UNC79: variants seen among roughly 807,000 people sequenced by gnomAD.
UNC79 encodes unc-79 subunit of NALCN channel complex.
UNC79 carries 37 observed loss-of-function variants against 283.1 expected under a neutral mutation model. The ratio of observed to expected loss-of-function variants is 0.13; its 90% confidence interval spans 0.10 to 0.17. UNC79 has a LOEUF of 0.17. Among genes scored for constraint, UNC79 ranks in the 10% least tolerant of loss-of-function variants. The pLI is 1.00. For synonymous variants in UNC79, 1,107 were observed against 1,200.2 expected, an observed-to-expected ratio of 0.92 and a Z score of 1.61; for missense variants, 2,272 against 3,211.1, an observed-to-expected ratio of 0.71 and a Z score of 7.07.
At chr14:93,654,476 GGCTACATTACACTCCAAT>G in intron 37 of UNC79, among the ~76,000 whole-genome samples, 2 of 140,404 alleles carry the variant, frequency 1.4e-5, no homozygotes, top group African/African-American at 6.4e-5. Flanking sequence ...AAGTTGTAAT[GGCTACATTACACTCCAAT>G]GGCTACATTA....
At chr14:93,376,929 G>A (rs2054571789) in intron 1 of UNC79, among the ~76,000 whole-genome samples, 1 of 148,872 alleles carries the variant, frequency 6.7e-6, no homozygotes, top group Non-Finnish European at 1.5e-5. Flanking sequence ...TTTCTCTCAT[G>A]CACTCACCTA....
At chr14:93,550,533 A>AGAAAAG (rs3060650) in intron 14 of UNC79, among the ~76,000 whole-genome samples, 72,976 of 122,486 alleles carry the variant, frequency 0.6, 24,503 homozygotes, top group Non-Finnish European at 0.64. Context: ...AAAAAAAAAA[A>AGAAAAG]AAAAAAAAGA....
intron 31 of UNC79, chr14:93,634,614 A>G (rs1464334785): frequency 6.2e-7 from 1 of 1,613,910 alleles, no homozygotes; most frequent in Non-Finnish European, 8.5e-7. Flanking sequence ...AGCGCCCCCC[A>G]TAACATCAGC....
chr14:93,634,776 G>A, intron 31 of UNC79, 139 bp downstream of exon 34: 2 of 749,138 alleles, frequency 2.7e-6, no homozygotes, highest in Non-Finnish European at 2.2e-6. Flanking sequence ...ACCACCTAAG[G>A]TAATTAGTAA....
chr14:93,333,247 G>GTCGGGTCGCTGGGAGTCGGGCA (rs2053494169), exon 1 of UNC79: 1 of 402,188 alleles, frequency 2.5e-6, no homozygotes, highest in Non-Finnish European at 4.4e-6. Flanking sequence ...GGAGCCGGGC[G>GTCGGGTCGCTGGGAGTCGGGCA]TCGGGTCGCT....
intron 39 of UNC79, among the ~76,000 whole-genome samples, chr14:93,660,520 CATAT>C (rs57703735): frequency 0.069 from 3,342 of 48,358 alleles, 98 homozygotes; most frequent in Middle Eastern, 0.12. Context: ...AAGACAATAG[CATAT>C]ATATATATAT....
intron 1 of UNC79, among the ~76,000 whole-genome samples, chr14:93,338,224 C>A (rs2053622448): frequency 6.6e-6 from 1 of 152,054 alleles, no homozygotes; most frequent in Non-Finnish European, 1.5e-5. Flanking sequence ...GATCCTGTGA[C>A]ATTTTGGGAT....
At chr14:93,456,530 C>T (rs1280031282) in intron 1 of UNC79, among the ~76,000 whole-genome samples, 1 of 152,114 alleles carries the variant, frequency 6.6e-6, no homozygotes, top group East Asian at 1.9e-4. Context: ...GAATCTGACT[C>T]ATTCTGAATA....
chr14:93,640,069 A>G (rs900482098), intron 32 of UNC79, among the ~76,000 whole-genome samples: 1 of 152,134 alleles, frequency 6.6e-6, no homozygotes, highest in Non-Finnish European at 1.5e-5. Context: ...ATTCTGGATG[A>G]TCCCTTTGAG....
exon 43 of UNC79, chr14:93,686,645 C>A: frequency 1.2e-6 from 2 of 1,614,090 alleles, no homozygotes; most frequent in Non-Finnish European, 1.7e-6. Context: ...GACATGCACA[C>A]GCTGACCAAA....
At position 93,621,508 on chromosome 14, in the gene UNC79, T is replaced by C. The variant is rs1047988720; in HGVS notation, c.4388-113T>C. 3.2e-5 allele frequency: 41 copies of C among 1,290,318 alleles called. No homozygotes were observed. The highest frequency in any genetic ancestry group is 4.1e-5 in the Non-Finnish European group (40 of 985,226). 79.9% of individuals were successfully genotyped at this position (1,290,318 alleles called of 1,614,324 possible). ...TGGCCAGAAAGTTCGTTTTCCCTCC[T>C]GGTGGAGCTGGGATTGTGATGATGA... is the stretch of plus-strand genomic sequence containing the variant. On this transcript the variant is annotated intron_variant, in intron 29 of 48. Coordinates refer to ENST00000555664, the Ensembl canonical transcript of UNC79. The surrounding 1 kb of genome is among the most constrained non-coding windows in gnomAD (Gnocchi z 4.8).
chr14:93,605,805 A>G (rs1172443115), intron 26 of UNC79, among the ~76,000 whole-genome samples: 3 of 152,156 alleles, frequency 2.0e-5, no homozygotes, highest in Non-Finnish European at 4.4e-5. Flanking sequence ...GGGAGTCCGA[A>G]GTGGGAGGGG....
chr14:93,460,987 A>T (rs1272950738), intron 1 of UNC79, among the ~76,000 whole-genome samples: 1 of 152,254 alleles, frequency 6.6e-6, no homozygotes, highest in East Asian at 1.9e-4. Flanking sequence ...TCTTACATAA[A>T]GGAAATTATA....
Position 93,688,636 on chromosome 14 carries a change from G to C in UNC79, c.6910-29G>C. 6.2e-7 allele frequency: 1 copy of C among 1,603,044 alleles called. No individual in the cohort carries two copies. The stretch of plus-strand genomic sequence containing the variant: ...CTGGAATGAATCCAGGTGTCTGCCA[G>C]AGTTACAAAATACCATTCGGTTTTG... On this transcript the variant is annotated intron_variant, in intron 43 of 48. Transcript: ENST00000555664. This position sits in a 1 kb window ranked among gnomAD's most constrained non-coding sequence, Gnocchi z 4.0.
intron 40 of UNC79, among the ~76,000 whole-genome samples, chr14:93,663,181 T>C (rs944987761): frequency 1.3e-5 from 2 of 152,224 alleles, no homozygotes. Context: ...GTCTGGGTTC[T>C]TGGCCTCTGA....
At chr14:93,659,832 C>T (rs921533129) in intron 39 of UNC79, among the ~76,000 whole-genome samples, 3 of 152,242 alleles carry the variant, frequency 2.0e-5, no homozygotes, top group African/African-American at 7.2e-5. Context: ...CTTGCCTTTG[C>T]TTAGGCCATT....
At chr14:93,646,492 C>T in intron 34 of UNC79, 116 bp from the exon 38 acceptor site, 1 of 991,674 alleles carries the variant, frequency 1.0e-6, no homozygotes, top group Non-Finnish European at 1.5e-6. Context: ...GAATTGTCAA[C>T]ATTATACATG....
In UNC79 at chr14:93,688,320, A is replaced by T. The variant is rs2074408342; in HGVS notation, c.6910-345A>T. ...GAGGTCAGGGAAGGCTTCCCAGAGG[A>T]AGTTACATTTGAGCTAAAACCTGAA... On this transcript the variant is annotated intron_variant, in intron 43 of 48. Coordinates refer to ENST00000555664, the Ensembl canonical transcript of UNC79. The surrounding 1 kb of genome is among the most constrained non-coding windows in gnomAD (Gnocchi z 4.0). Among the ~76,000 whole-genome samples the T allele has an allele frequency of 6.6e-6, 1 of 152,084 alleles. No individual in the cohort carries two copies. Among genetic ancestry groups the T allele is most frequent in the Non-Finnish European group, 1.5e-5 (1 of 68,012 alleles).
intron 14 of UNC79, among the ~76,000 whole-genome samples, chr14:93,550,588 A>T (rs1429872881): frequency 2.0e-5 from 3 of 151,674 alleles, no homozygotes; most frequent in Non-Finnish European, 4.4e-5. Context: ...ACTACATTTT[A>T]CAAAATAATG....
Sources: gnomAD v4.1 joint callset for allele counts (sites outside exome capture counted in the v4.1 genomes callset) on GRCh38, gnomAD v4.1.1 for gene constraint, Gnocchi (gnomAD v3.1) non-coding constraint, MANE v1.5 for transcripts, NCBI Gene and HGNC (gene_info 2026-07-23, HGNC 2026-07-21) for gene names.